Variants in MACROD2 observed in about 807,000 individuals in gnomAD.
The protein encoded by MACROD2 is mono-ADP ribosylhydrolase 2, also known as ADP-ribose glycohydrolase MACROD2.
In MACROD2, 36 loss-of-function variants were observed where a neutral mutation model predicts 70.4. The observed-to-expected ratio is 0.51, with a 90% CI of 0.39 to 0.68. MACROD2 has a LOEUF of 0.68. Among genes scored for constraint, MACROD2 ranks in the 30% least tolerant of loss-of-function variants. The pLI is 0.00. For synonymous variants in MACROD2, 172 were observed against 178.8 expected, an observed-to-expected ratio of 0.96 and a Z score of 0.30; for missense variants, 496 against 538.4, an observed-to-expected ratio of 0.92 and a Z score of 0.78.
chr20:15,870,871 C>T (rs997007650), intron 9 of MACROD2, among the ~76,000 whole-genome samples: 2 of 152,078 alleles, frequency 1.3e-5, no homozygotes, highest in African/African-American at 2.4e-5. Flanking sequence ...CTGCTTTTTA[C>T]GTATTTATCA....
At chr20:14,799,536 G>C (rs1041240347) in intron 5 of MACROD2, among the ~76,000 whole-genome samples, 1 of 152,038 alleles carries the variant, frequency 6.6e-6, no homozygotes, top group Non-Finnish European at 1.5e-5. Context: ...TTATGTAATA[G>C]GGTAACATAA....
chr20:15,746,184 T>C (rs1345237879), intron 8 of MACROD2, among the ~76,000 whole-genome samples: 1 of 152,092 alleles, frequency 6.6e-6, no homozygotes, highest in African/African-American at 2.4e-5. Context: ...TTATTTTTAG[T>C]GTCTCTCAAT....
intron 8 of MACROD2, among the ~76,000 whole-genome samples, chr20:15,805,917 C>A (rs116612769): frequency 1.3e-5 from 2 of 152,088 alleles, no homozygotes; most frequent in Admixed American, 1.3e-4. Flanking sequence ...GTGCCCTTAG[C>A]GGTTTTGATC....
At chr20:15,156,221 A>G (rs1191243825) in intron 5 of MACROD2, among the ~76,000 whole-genome samples, 3 of 152,186 alleles carry the variant, frequency 2.0e-5, no homozygotes, top group Non-Finnish European at 4.4e-5. Context: ...GGGAGACTGC[A>G]TTCTATAGTA....
chr20:15,102,421 G>A (rs191656671), intron 5 of MACROD2, among the ~76,000 whole-genome samples: 2 of 151,974 alleles, frequency 1.3e-5, no homozygotes, highest in East Asian at 3.9e-4. Flanking sequence ...TCCTTTAAGA[G>A]AGCAGTTCCA....
intron 3 of MACROD2, among the ~76,000 whole-genome samples, chr20:14,147,809 G>A (rs2148709453): frequency 6.6e-6 from 1 of 152,102 alleles, no homozygotes; most frequent in East Asian, 1.9e-4. Flanking sequence ...AGCACTTGGG[G>A]TTTGCTGTAT....
intron 4 of MACROD2, among the ~76,000 whole-genome samples, chr20:14,656,230 G>A (rs1339762441): frequency 1.3e-5 from 2 of 152,180 alleles, no homozygotes; most frequent in Non-Finnish European, 1.5e-5. Flanking sequence ...GGAGCTACAA[G>A]AGATTTCGGA....
intron 5 of MACROD2, among the ~76,000 whole-genome samples, chr20:15,157,359 A>ACCC (rs1568606906): frequency 8.7e-6 from 1 of 115,394 alleles, no homozygotes; most frequent in African/African-American, 3.3e-5. Flanking sequence ...ACCCCCCCCC[A>ACCC]CCTCCCCCCC....
At chr20:14,540,815 C>G (rs774443624) in intron 4 of MACROD2, among the ~76,000 whole-genome samples, 1 of 152,150 alleles carries the variant, frequency 6.6e-6, no homozygotes, top group Non-Finnish European at 1.5e-5. Flanking sequence ...CTTTTATAAC[C>G]GTGCTCTACA....
chr20:14,640,225 A>G (rs1985014554), intron 4 of MACROD2, among the ~76,000 whole-genome samples: 1 of 152,204 alleles, frequency 6.6e-6, no homozygotes, highest in Admixed American at 6.5e-5. Context: ...AATCACTGCA[A>G]TTCCCAAGTA....
chr20:14,655,319 C>CTGTGTGGGTGTGTGTG (rs1985910003), intron 4 of MACROD2, among the ~76,000 whole-genome samples: 1 of 141,610 alleles, frequency 7.1e-6, no homozygotes, highest in African/African-American at 2.7e-5. Flanking sequence ...AAAGTGGACA[C>CTGTGTGGGTGTGTGTG]TGTGTGTGTG....
chr20:15,910,206 C>T (rs906320565), intron 10 of MACROD2, among the ~76,000 whole-genome samples: 1 of 152,176 alleles, frequency 6.6e-6, no homozygotes, highest in Non-Finnish European at 1.5e-5. Flanking sequence ...GTTGCTTTTG[C>T]TGAGAAGACA....
chr20:15,278,654 A>AT (rs1287953674), intron 6 of MACROD2, among the ~76,000 whole-genome samples: 1 of 152,210 alleles, frequency 6.6e-6, no homozygotes. Context: ...TGGCATCATG[A>AT]TTATGTGTTA....
At chr20:14,000,086 T>A (rs946495626) in intron 1 of MACROD2, among the ~76,000 whole-genome samples, 16 of 152,246 alleles carry the variant, frequency 1.1e-4, no homozygotes, top group African/African-American at 3.4e-4. Context: ...AACTACGATT[T>A]ATTTCATTGT....
At chr20:15,883,770 A>G (rs1194303325) in intron 9 of MACROD2, among the ~76,000 whole-genome samples, 2 of 152,154 alleles carry the variant, frequency 1.3e-5, no homozygotes, top group African/African-American at 4.8e-5. Context: ...AAAATAATAT[A>G]AATTTAATTC....
At chr20:15,520,978 A>T (rs1247882960) in intron 8 of MACROD2, among the ~76,000 whole-genome samples, 1 of 152,236 alleles carries the variant, frequency 6.6e-6, no homozygotes, top group African/African-American at 2.4e-5. Context: ...GTTTCTCATC[A>T]GATACATTTA....
At chr20:15,515,917 G>A (rs1287828254) in intron 8 of MACROD2, among the ~76,000 whole-genome samples, 1 of 152,140 alleles carries the variant, frequency 6.6e-6, no homozygotes, top group Non-Finnish European at 1.5e-5. Context: ...GCTTTAGACT[G>A]TTGTCTAAAA....
At chr20:14,084,513 T>C (rs1312518638) in intron 2 of MACROD2, among the ~76,000 whole-genome samples, 1 of 152,188 alleles carries the variant, frequency 6.6e-6, no homozygotes, top group Non-Finnish European at 1.5e-5. Context: ...TGAATAGCAA[T>C]TCAAAATATT....
intron 5 of MACROD2, among the ~76,000 whole-genome samples, chr20:14,863,835 A>C (rs1033299595): frequency 1.3e-5 from 2 of 152,124 alleles, no homozygotes; most frequent in Non-Finnish European, 2.9e-5. Flanking sequence ...TGTAGCTAGA[A>C]AGCGGCCAAG....
Sources: gnomAD v4.1 joint callset for allele counts (sites outside exome capture counted in the v4.1 genomes callset) on GRCh38, gnomAD v4.1.1 for gene constraint, MANE v1.5 for transcripts, NCBI Gene and HGNC (gene_info 2026-07-23, HGNC 2026-07-21) for gene names.